The following XPA variants were observed in gnomAD, a reference collection of about 807,000 sequenced individuals.
XPA encodes the protein XPA, DNA damage recognition and repair factor.
In XPA, 27 loss-of-function variants were observed where a neutral mutation model predicts 35.7. The observed-to-expected ratio is 0.76, with a 90% CI of 0.56 to 1.04. The LOEUF (loss-of-function observed/expected upper bound fraction) is 1.04. XPA is among the 50% of genes least tolerant of loss of function. The pLI is 0.00. For missense variants in XPA, 354 were observed against 342.7 expected, an observed-to-expected ratio of 1.03 and a Z score of -0.26; for synonymous variants, 133 against 118.4, an observed-to-expected ratio of 1.12 and a Z score of -0.80.
intron 2 of XPA, among the ~76,000 whole-genome samples, chr9:97,691,198 C>G (rs1047153469): frequency 2.6e-5 from 4 of 152,204 alleles, no homozygotes; most frequent in Non-Finnish European, 4.4e-5. Flanking sequence ...CCATTCTATC[C>G]CCTACCAACA....
chr9:97,696,998 T>G, intron 1 of XPA, 123 bp downstream of exon 1: 1 of 1,285,144 alleles, frequency 7.8e-7, no homozygotes. Context: ...TCGGGGAGAA[T>G]CTGCACACAT....
intron 4 of XPA, among the ~76,000 whole-genome samples, chr9:97,686,411 T>C (rs2131395469): frequency 6.6e-6 from 1 of 152,332 alleles, no homozygotes; most frequent in South Asian, 2.1e-4. Context: ...TATAGAGCTA[T>C]ATGGACACTC....
chr9:97,658,821 G>A, the XPA span: 3 of 1,144,122 alleles, frequency 2.6e-6, no homozygotes, highest in Non-Finnish European at 3.9e-6. Flanking sequence ...TTAAAGTGGA[G>A]AAATTGAACT....
chr9:97,665,999 A>G, the XPA span, among the ~76,000 whole-genome samples: 1 of 152,216 alleles, frequency 6.6e-6, no homozygotes, highest in Non-Finnish European at 1.5e-5. Context: ...GCTGAGGAAG[A>G]GGAGGGGTTG....
chr9:97,684,847 C>CTT (rs1179180887), intron 5 of XPA, 76 bp downstream of exon 5: 1 of 1,226,334 alleles, frequency 8.2e-7, no homozygotes, highest in Non-Finnish European at 1.2e-6. Context: ...TGACATTAAA[C>CTT]AGGAAGAATC....
intron 5 of XPA, among the ~76,000 whole-genome samples, chr9:97,680,349 C>T (rs901548457): frequency 2.4e-4 from 37 of 152,288 alleles, no homozygotes; most frequent in African/African-American, 8.9e-4. Flanking sequence ...GCTGGGACTA[C>T]AGGCACACAC....
intron 3 of XPA, among the ~76,000 whole-genome samples, chr9:97,688,615 C>T (rs1465118585): frequency 6.6e-6 from 1 of 152,152 alleles, no homozygotes; most frequent in African/African-American, 2.4e-5. Flanking sequence ...TTAAGAATGA[C>T]GACAATACTG....
At chr9:97,691,886 A>AATATATATAT (rs55944336) in intron 2 of XPA, among the ~76,000 whole-genome samples, 32 of 124,662 alleles carry the variant, frequency 2.6e-4, no homozygotes, top group Middle Eastern at 7.9e-3. Flanking sequence ...TTTCTAAATA[A>AATATATATAT]ATATATATAT....
chr9:97,669,484 C>G, the XPA span: 2 of 707,620 alleles, frequency 2.8e-6, no homozygotes, highest in Non-Finnish European at 4.9e-6. Context: ...ACACACACCA[C>G]AAAGACAGGG....
At position 97,697,323 on chromosome 9, in the gene XPA, G is replaced by A. The variant is rs775575960; in HGVS notation, c.-31C>T. 3 of 1,596,336 alleles carry A rather than the reference G, an allele frequency of 1.9e-6. No individual in the cohort carries two copies. Among genetic ancestry groups the A allele is most frequent in the Non-Finnish European group, 2.5e-6 (3 of 1,178,864 alleles). ...GCCCACTCCGAGGACCTAGCTCCCA[G>A]CTCCACGCACGCGCACTGCACGCCG... On this transcript the variant is annotated 5_prime_UTR_variant, in exon 1 of 6. Transcript: ENST00000375128.
chr9:97,681,986 TCTGCCTTGTATCTAACAAG>T (rs1294921696), intron 5 of XPA, among the ~76,000 whole-genome samples: 1 of 152,196 alleles, frequency 6.6e-6, no homozygotes, highest in East Asian at 1.9e-4. Flanking sequence ...AACAGCAGTT[TCTGCCTTGTATCTAACAAG>T]GCAGAACAAT....
At chr9:97,670,568 A>T (rs1280822161), downstream of XPA, among the ~76,000 whole-genome samples, 1 of 152,206 alleles carries the variant, frequency 6.6e-6, no homozygotes, top group Admixed American at 6.5e-5. Context: ...CCAAATAGGA[A>T]TTCCCTCTGA....
At chr9:97,662,381 A>G in the XPA span, among the ~76,000 whole-genome samples, 1 of 152,206 alleles carries the variant, frequency 6.6e-6, no homozygotes, top group Non-Finnish European at 1.5e-5. Context: ...CATTTAAAGA[A>G]ACTAGTGAAA....
the XPA span, among the ~76,000 whole-genome samples, chr9:97,664,168 CTCTG>C: frequency 6.6e-6 from 1 of 152,004 alleles, no homozygotes; most frequent in African/African-American, 2.4e-5. Context: ...GACAGAGCAA[CTCTG>C]TCTCCCAAAA....
At chr9:97,682,479 CCT>C (rs1382690104) in intron 5 of XPA, 2 of 518,316 alleles carry the variant, frequency 3.9e-6, no homozygotes, top group Non-Finnish European at 7.7e-6. Flanking sequence ...ATCACACTGA[CCT>C]CTCTGCACAT....
the XPA span, among the ~76,000 whole-genome samples, chr9:97,662,575 T>C: frequency 6.6e-6 from 1 of 152,166 alleles, no homozygotes; most frequent in Admixed American, 6.5e-5. Flanking sequence ...ACATAGATTT[T>C]CCTTCTGCCA....
At chr9:97,668,828 T>C in the XPA span, 17 of 1,606,764 alleles carry the variant, frequency 1.1e-5, no homozygotes, top group Non-Finnish European at 1.4e-5. Context: ...TTTCCTTTTG[T>C]TCATTTGCCT....
chr9:97,665,750 GC>G, the XPA span, among the ~76,000 whole-genome samples: 25 of 147,658 alleles, frequency 1.7e-4, no homozygotes, highest in Non-Finnish European at 3.3e-4. Context: ...CACCGACTTC[GC>G]CCCACCCACC....
chr9:97,662,339 A>G, the XPA span, among the ~76,000 whole-genome samples: 12 of 152,316 alleles, frequency 7.9e-5, no homozygotes, highest in African/African-American at 2.6e-4. Context: ...CAGTTGGCAT[A>G]TGTACATGGT....
Sources: gnomAD v4.1 joint callset for allele counts (sites outside exome capture counted in the v4.1 genomes callset) on GRCh38, gnomAD v4.1.1 for gene constraint, MANE v1.5 for transcripts, NCBI Gene and HGNC (gene_info 2026-07-23, HGNC 2026-07-21) for gene names.